The following PPM1K variants were observed in gnomAD, a reference collection of about 807,000 sequenced individuals.
PPM1K encodes protein phosphatase, Mg2+/Mn2+ dependent 1K, also known as protein phosphatase Mn(2+)-dependent 1K.
In PPM1K, 19 loss-of-function variants were observed where a neutral mutation model predicts 32.6. The ratio of observed to expected loss-of-function variants is 0.58; its 90% CI spans 0.41 to 0.86. The LOEUF (loss-of-function observed/expected upper bound fraction) is 0.86. Ranked by LOEUF, PPM1K falls within the 40% of genes least tolerant of loss-of-function variation. The pLI, the probability that PPM1K is intolerant of heterozygous loss-of-function variation, is 0.00. For missense variants in PPM1K, 362 were observed against 461.2 expected, an observed-to-expected ratio of 0.78 and a Z score of 1.97; for synonymous variants, 159 against 165.3, an observed-to-expected ratio of 0.96 and a Z score of 0.29.
rs1419297415 is a variant in PPM1K, at chr4:88,278,479, T to C, written c.105A>G (p.Thr35=). 6.2e-7 allele frequency: 1 copy of C among 1,613,858 alleles called. No individual in the cohort carries two copies. Among genetic ancestry groups the C allele is most frequent in the African/African-American group, 1.3e-5 (1 of 74,850 alleles). The change falls in exon 2 of 7, where the codon ACA becomes ACG. Residue 35 remains threonine, a synonymous_variant. Transcript: ENST00000608933. This position sits in a 1 kb window ranked among gnomAD's most constrained non-coding sequence, Gnocchi z 4.2. ...CTGAAGTGGAGCTGTGGCACGTGGG[T>C]GTCACCCGCCTGTCGTCCTGCAGCA... ...SRLLQDDRRV[T]PTCHSSTSEP... is the part of the protein sequence containing the mutation.
intron 3 of PPM1K, among the ~76,000 whole-genome samples, chr4:88,269,609 G>C (rs1482292494): frequency 6.6e-6 from 1 of 152,146 alleles, no homozygotes; most frequent in Non-Finnish European, 1.5e-5. Flanking sequence ...GGGAGGGGAG[G>C]TGGAGAATGA....
chr4:88,276,763 G>A, intron 3 of PPM1K: 1 of 1,000,490 alleles, frequency 1.0e-6, no homozygotes, highest in Non-Finnish European at 1.2e-6. Flanking sequence ...TTCAGCACTT[G>A]GTCACCAGAT....
intron 1 of PPM1K, among the ~76,000 whole-genome samples, chr4:88,281,140 T>C (rs948539076): frequency 6.6e-6 from 1 of 152,112 alleles, no homozygotes; most frequent in African/African-American, 2.4e-5. Context: ...TTTAAAGAAA[T>C]ACAATTATTA....
At chr4:88,276,976 C>T in intron 3 of PPM1K, 167 bp downstream of exon 3, 1 of 666,696 alleles carries the variant, frequency 1.5e-6, no homozygotes, top group Non-Finnish European at 2.4e-6. Context: ...TTGGAGTTCC[C>T]AACAGCATTT....
At position 88,262,534 on chromosome 4, in the gene PPM1K, C is replaced by T. The variant is rs1731157089; in HGVS notation, c.*61G>A. 118 of 1,582,008 alleles carry T rather than the reference C, an allele frequency of 7.5e-5. No homozygotes were observed. The South Asian group carries it at 1.4e-3, about 18-fold the overall frequency. ...AGTTAGGAGACCTTTTTGATCTTAT[C>T]AGTTTCTTGACATGCTCAGTGAAAA... On this transcript the variant is annotated 3_prime_UTR_variant, in exon 7 of 7. Transcript: ENST00000608933.
intron 3 of PPM1K, among the ~76,000 whole-genome samples, chr4:88,269,757 T>C (rs886291709): frequency 6.6e-6 from 1 of 152,216 alleles, no homozygotes; most frequent in Non-Finnish European, 1.5e-5. Context: ...GCCCAGAGCA[T>C]CCCACAAATA....
At position 88,279,645 on chromosome 4, in the gene PPM1K, C is replaced by T. The variant is rs1432728777; in HGVS notation, c.-59-1003G>A. On this transcript the variant is annotated intron_variant, in intron 1 of 6. Transcript: ENST00000608933. ...ACCCTGAAACTCAATCCTAAAACCTCTCTTGGCATTACAGGGTGTTACCCA... is the reference window on the plus strand; with the variant it reads ...ACCCTGAAACTCAATCCTAAAACCTTTCTTGGCATTACAGGGTGTTACCCA... 2.0e-5 allele frequency: 3 copies of T among 152,338 alleles called. No homozygotes were observed. In the East Asian group the frequency reaches 5.8e-4, roughly 29 times the overall value. The allele number at this position is 152,338 out of a possible 1,614,324, so 9.4% of individuals were successfully genotyped here. A position where few individuals can be genotyped will look rare whatever the true frequency, so the allele number is the denominator to read the frequency against.
At chr4:88,274,628 G>A (rs376614840) in intron 3 of PPM1K, among the ~76,000 whole-genome samples, 5 of 152,122 alleles carry the variant, frequency 3.3e-5, no homozygotes, top group South Asian at 2.1e-4. Context: ...TACATAGGCC[G>A]AAAAGAATAT....
chr4:88,281,667 C>T (rs868584062), intron 1 of PPM1K, among the ~76,000 whole-genome samples: 6 of 151,980 alleles, frequency 3.9e-5, no homozygotes, highest in Middle Eastern at 6.9e-3. Flanking sequence ...AGGTCGGCAT[C>T]GCTTAGGTAA....
rs747306900 is a variant in PPM1K at position 88,278,060 on chromosome 4, C to G, written c.440+84G>C. 17 of 1,138,522 alleles carry G rather than the reference C, an allele frequency of 1.5e-5. No homozygotes were observed. Among genetic ancestry groups the G allele is most frequent in the Non-Finnish European group, 2.1e-5 (17 of 793,268 alleles). 70.5% of individuals were successfully genotyped at this position (1,138,522 alleles called of 1,614,324 possible). ...GCAACCACTCAAGTAACTATGTTTA[C>G]GCTGGAAGCCTCAGCCAAAGGGTGA... is the stretch of plus-strand genomic sequence containing the variant. On this transcript the variant is annotated intron_variant, in intron 2 of 6. Coordinates refer to ENST00000608933, the MANE Select transcript of PPM1K (RefSeq NM_152542.5). This position sits in a 1 kb window ranked among gnomAD's most constrained non-coding sequence, Gnocchi z 4.2.
chr4:88,261,113 G>A lies in PPM1K; in HGVS notation c.*1482C>T, dbSNP rs924188334. The A allele has an allele frequency of 1.3e-5, 2 of 152,130 alleles. No individual in the cohort carries two copies. The highest frequency in any genetic ancestry group is 2.9e-5 in the Non-Finnish European group (2 of 68,024). 9.4% of individuals were successfully genotyped at this position (152,130 alleles called of 1,614,324 possible). On this transcript the variant is annotated 3_prime_UTR_variant, in exon 7 of 7. Transcript: ENST00000608933. ...CTCACACATATAACAAATTTACATA[G>A]TTTGCAGAAATAAACTACGGAAATA...
chr4:88,278,070 C>A lies in PPM1K; in HGVS notation c.440+74G>T. On this transcript the variant is annotated intron_variant, in intron 2 of 6. Transcript: ENST00000608933. The surrounding 1 kb of genome is among the most constrained non-coding windows in gnomAD (Gnocchi z 4.2). The stretch of plus-strand genomic sequence containing the variant: ...AAGTAACTATGTTTACGCTGGAAGC[C>A]TCAGCCAAAGGGTGAAAGTTTAAGT... 1 of 1,310,280 alleles carries A rather than the reference C, an allele frequency of 7.6e-7. No homozygotes were observed. The highest frequency in any genetic ancestry group is 1.4e-5 in the South Asian group (1 of 70,866). 81.2% of individuals were successfully genotyped at this position (1,310,280 alleles called of 1,614,324 possible).
At chr4:88,264,842 T>C (rs1287529250) in intron 6 of PPM1K, among the ~76,000 whole-genome samples, 159 bp downstream of exon 6, 2 of 152,234 alleles carry the variant, frequency 1.3e-5, no homozygotes, top group South Asian at 2.1e-4. Flanking sequence ...TTCCTTGGCA[T>C]ATTAAAATTT....
Position 88,278,105 on chromosome 4 carries a change from A to G in PPM1K, c.440+39T>C. On this transcript the variant is annotated intron_variant, in intron 2 of 6. Transcript: ENST00000608933. The surrounding 1 kb of genome is among the most constrained non-coding windows in gnomAD (Gnocchi z 4.2). ...GGGTGAAAGTTTAAGTAGGAAGTAT[A>G]GGAACTGCAAAGTCAGGAGTGAAAG... 2.6e-6 allele frequency: 4 copies of G among 1,547,060 alleles called. No homozygotes were observed. Among genetic ancestry groups the G allele is most frequent in the South Asian group, 1.2e-5 (1 of 84,654 alleles).
chr4:88,262,442 TATG>T lies in PPM1K; in HGVS notation c.*150_*152del, dbSNP rs1367779643. 4.0e-5 allele frequency: 29 copies of T among 717,700 alleles called. No individual in the cohort carries two copies. The highest frequency in any genetic ancestry group is 5.8e-5 in the Non-Finnish European group (26 of 446,862). 44.5% of individuals were successfully genotyped at this position (717,700 alleles called of 1,614,324 possible). A position where few individuals can be genotyped will look rare whatever the true frequency, so the allele number is the denominator to read the frequency against. ...CTGAACATGTACAGCGGAACATAAATATGATGAGCATTTATGAAAAAACTACTA... is the reference window on the plus strand; with the variant it reads ...CTGAACATGTACAGCGGAACATAAATATGAGCATTTATGAAAAAACTACTA... On this transcript the variant is annotated 3_prime_UTR_variant, in exon 7 of 7. Transcript: ENST00000608933.
At chr4:88,272,896 T>A (rs1731620013) in intron 3 of PPM1K, among the ~76,000 whole-genome samples, 1 of 152,220 alleles carries the variant, frequency 6.6e-6, no homozygotes, top group African/African-American at 2.4e-5. Context: ...TACAGATCAG[T>A]CATCCAGGAC....
chr4:88,274,282 G>A (rs1731677699), intron 3 of PPM1K, among the ~76,000 whole-genome samples: 1 of 152,130 alleles, frequency 6.6e-6, no homozygotes, highest in South Asian at 2.1e-4. Context: ...AATCCACCCA[G>A]GAGTGACAGC....
chr4:88,276,232 T>C, intron 3 of PPM1K: 1 of 985,464 alleles, frequency 1.0e-6, no homozygotes, highest in Non-Finnish European at 1.2e-6. Flanking sequence ...GTATTCCAAC[T>C]GAAGACTGTG....
rs1731092453 is a variant in PPM1K, at chr4:88,260,876, C to T, written c.*1719G>A. 6.6e-6 allele frequency: 1 copy of T among 152,092 alleles called. No homozygotes were observed. Among genetic ancestry groups the T allele is most frequent in the Non-Finnish European group, 1.5e-5 (1 of 68,022 alleles). 9.4% of individuals were successfully genotyped at this position (152,092 alleles called of 1,614,324 possible). A position where few individuals can be genotyped will look rare whatever the true frequency, so the allele number is the denominator to read the frequency against. ...TTAAGATTCAGTATTTTTCTCACATCCTATTACTTTATATACAAATTGCCA... is the reference window on the plus strand; with the variant it reads ...TTAAGATTCAGTATTTTTCTCACATTCTATTACTTTATATACAAATTGCCA... On this transcript the variant is annotated 3_prime_UTR_variant, in exon 7 of 7. Coordinates refer to ENST00000608933, the MANE Select transcript of PPM1K (RefSeq NM_152542.5).
Sources: gnomAD v4.1 joint callset for allele counts (sites outside exome capture counted in the v4.1 genomes callset) on GRCh38, gnomAD v4.1.1 for gene constraint, Gnocchi (gnomAD v3.1) non-coding constraint, MANE v1.5 for transcripts, NCBI Gene and HGNC (gene_info 2026-07-23, HGNC 2026-07-21) for gene names.